The following ADK variants were observed in gnomAD, a reference collection of about 807,000 sequenced individuals.
ADK encodes the protein N6,N6-dimethyladenosine kinase.
ADK carries 24 observed loss-of-function variants against 44.7 expected under a neutral mutation model. The observed-to-expected ratio is 0.54, with a 90% confidence interval of 0.39 to 0.76. The LOEUF (loss-of-function observed/expected upper bound fraction) is 0.76, where lower values mean the gene tolerates loss of function less well. Ranked by LOEUF, ADK falls within the 30% of genes least tolerant of loss-of-function variation. The pLI is 0.00. For synonymous variants in ADK, 128 were observed against 142.6 expected (o/e 0.90, Z 0.73); for missense variants, 321 against 425.1 (o/e 0.76, Z 2.15).
rs778545091 is a variant in ADK at position 74,224,543 on chromosome 10, C to T, written c.146C>T (p.Ser49Phe). Residue 49 changes from serine to phenylalanine, a missense_variant, in exon 3 of 11, where the codon TCT (serine) becomes TTT (phenylalanine). By Grantham distance (155) the Ser-to-Phe change is radical. Transcript: ENST00000539909. ...TTTTCGTTTCTGTTATACAGGTATT[C>T]TCTGAAACCAAATGACCAAATCTTG... ...VVDKDFLDKY[S>F]LKPNDQILAE... is the part of the protein sequence containing the mutation. 5.0e-6 allele frequency: 8 copies of T among 1,613,376 alleles called. 1 individual carries two copies. In the South Asian group the frequency reaches 8.8e-5, roughly 18 times the overall value.
chr10:74,542,262 G>T (rs918664062), intron 7 of ADK, among the ~76,000 whole-genome samples: 2 of 152,156 alleles, frequency 1.3e-5, no homozygotes, highest in Non-Finnish European at 2.9e-5. Flanking sequence ...GTGAAATCTT[G>T]AGTCAGAGGC....
chr10:74,314,814 T>C, intron 4 of ADK, 69 bp downstream of exon 4: 1 of 1,188,458 alleles, frequency 8.4e-7, no homozygotes, highest in South Asian at 1.3e-5. Flanking sequence ...TTTGCATAAT[T>C]GTTTCCTTTT....
intron 9 of ADK, among the ~76,000 whole-genome samples, chr10:74,621,793 G>C (rs970737823): frequency 6.6e-6 from 1 of 152,046 alleles, no homozygotes; most frequent in Non-Finnish European, 1.5e-5. Flanking sequence ...GCTTCTGTTA[G>C]TGTAGAGTCC....
chr10:74,381,126 T>TA (rs1007692139), intron 4 of ADK, among the ~76,000 whole-genome samples: 2 of 152,122 alleles, frequency 1.3e-5, no homozygotes, highest in Non-Finnish European at 2.9e-5. Flanking sequence ...TTTGTCAAGT[T>TA]AAAAAAAATC....
chr10:74,395,391 C>A (rs972818705), intron 5 of ADK, among the ~76,000 whole-genome samples: 8 of 152,182 alleles, frequency 5.3e-5, no homozygotes, highest in African/African-American at 1.9e-4. Flanking sequence ...ACAGTATTTA[C>A]TAAATAACCA....
intron 9 of ADK, chr10:74,655,495 G>T: frequency 2.1e-6 from 1 of 486,066 alleles, no homozygotes. Flanking sequence ...AGCTGCCACT[G>T]GCTCACTCAG....
At chr10:74,524,332 C>G (rs2133614980) in intron 6 of ADK, among the ~76,000 whole-genome samples, 1 of 152,220 alleles carries the variant, frequency 6.6e-6, no homozygotes, top group South Asian at 2.1e-4. Flanking sequence ...TTTGAAAATT[C>G]TAATTCAGAA....
chr10:74,459,365 C>T (rs962488185), intron 6 of ADK, among the ~76,000 whole-genome samples: 1 of 151,816 alleles, frequency 6.6e-6, no homozygotes, highest in Non-Finnish European at 1.5e-5. Context: ...GTGGGTTTTT[C>T]CTAGAACACC....
intron 4 of ADK, among the ~76,000 whole-genome samples, chr10:74,323,866 G>A (rs1368843636): frequency 3.3e-5 from 5 of 151,196 alleles, no homozygotes; most frequent in African/African-American, 4.9e-5. Context: ...CACCGCTCCC[G>A]GCCCCACAAT....
chr10:74,359,858 G>A (rs989498073), intron 4 of ADK, among the ~76,000 whole-genome samples: 3 of 151,822 alleles, frequency 2.0e-5, no homozygotes, highest in African/African-American at 4.8e-5. Context: ...TCTTTCATCT[G>A]CTTGGTTAAA....
At chr10:74,225,628 T>C (rs1844505510) in intron 3 of ADK, among the ~76,000 whole-genome samples, 1 of 152,228 alleles carries the variant, frequency 6.6e-6, no homozygotes, top group African/African-American at 2.4e-5. Flanking sequence ...AATTATAAAA[T>C]GGCAGGACCA....
In ADK at chr10:74,267,790, G is replaced by GTGTGTC. The variant is rs35081179; in HGVS notation, c.194+43202_194+43203insGTCTGT. Among the ~76,000 whole-genome samples, 285 of 145,706 alleles carry GTGTGTC rather than the reference G, an allele frequency of 2.0e-3. 2 individuals are homozygous for GTGTGTC. Among genetic ancestry groups the GTGTGTC allele is most frequent in the African/African-American group, 7.0e-3 (262 of 37,630 alleles). On this transcript the variant is annotated intron_variant, in intron 3 of 10. Coordinates refer to ENST00000539909, the MANE Select transcript of ADK (RefSeq NM_006721.4). ...TGTGTGTGTGTGTGTGTGTGTGTGT[G>GTGTGTC]TGTCTGTCTGTCTGTTTTAGTGGCT...
chr10:74,427,204 A>G (rs2133061572), intron 6 of ADK, among the ~76,000 whole-genome samples: 1 of 152,018 alleles, frequency 6.6e-6, no homozygotes. Context: ...ATTTTATTTT[A>G]TTTTATTTTT....
chr10:74,677,993 T>A (rs1313437604), intron 10 of ADK, among the ~76,000 whole-genome samples: 2,586 of 38,254 alleles, frequency 0.068, 7 homozygotes, highest in Middle Eastern at 0.11. Context: ...AAAAAAAAAA[T>A]AGCCAGGCAG....
chr10:74,414,904 A>G (rs191693400), intron 6 of ADK, among the ~76,000 whole-genome samples: 53 of 152,280 alleles, frequency 3.5e-4, no homozygotes, highest in East Asian at 1.9e-4. Context: ...ATTTTTCTTA[A>G]CTCTTATTTT....
intron 9 of ADK, among the ~76,000 whole-genome samples, chr10:74,623,210 G>A (rs1206185352): frequency 1.3e-5 from 2 of 152,126 alleles, no homozygotes; most frequent in Admixed American, 1.3e-4. Context: ...AAAAGCCAGG[G>A]ATGCTGCTAT....
chr10:74,458,141 TTTTTTG>T (rs1846024829), intron 6 of ADK, among the ~76,000 whole-genome samples: 2 of 140,424 alleles, frequency 1.4e-5, no homozygotes, highest in African/African-American at 5.4e-5. Context: ...TTTTTTTTTT[TTTTTTG>T]GGGGGAGAAG....
rs567262908 is a variant in ADK at position 74,662,220 on chromosome 10, G to T, written c.878-7963G>T. ...TGCCCAAGGATTCTTGGTAAGTAGC[G>T]TTATTGACCCCACCCTCAACCCCTG... On this transcript the variant is annotated intron_variant, in intron 9 of 10. Transcript: ENST00000539909. Among the ~76,000 whole-genome samples, 8 of 152,196 alleles carry T rather than the reference G, an allele frequency of 5.3e-5. No homozygotes were observed. In the South Asian group the frequency reaches 1.7e-3, roughly 32 times the overall value.
At chr10:74,377,083 C>A (rs1229551387) in intron 4 of ADK, among the ~76,000 whole-genome samples, 3 of 152,030 alleles carry the variant, frequency 2.0e-5, no homozygotes, top group African/African-American at 7.2e-5. Context: ...GTCTGGTTTT[C>A]TTTCTGCTAT....
Sources: allele counts gnomAD v4.1 joint callset (sites outside exome capture counted in the v4.1 genomes callset), GRCh38; gene constraint gnomAD v4.1.1; transcripts MANE v1.5; gene names NCBI Gene and HGNC (gene_info 2026-07-23, HGNC 2026-07-21).